Variants in SPMIP2 observed in about 807,000 individuals in gnomAD.
SPMIP2 encodes protein SPMIP2.
At chr4:158,900,990 G>A in the SPMIP2 span, among the ~76,000 whole-genome samples, 3 of 151,924 alleles carry the variant, frequency 2.0e-5, no homozygotes, top group Non-Finnish European at 2.9e-5. Context: ...TCCTTTCCAT[G>A]TAGTGCTTCC....
the SPMIP2 span, among the ~76,000 whole-genome samples, chr4:158,969,322 G>C: frequency 6.6e-6 from 1 of 152,156 alleles, no homozygotes; most frequent in African/African-American, 2.4e-5. Flanking sequence ...TGAAACTAAA[G>C]AAACTGTTTC....
the SPMIP2 span, among the ~76,000 whole-genome samples, chr4:159,077,250 G>A: frequency 1.3e-5 from 2 of 151,882 alleles, no homozygotes. Context: ...AGGTTCAAGT[G>A]ATTCTCGTGC....
chr4:158,955,753 C>CA, the SPMIP2 span, among the ~76,000 whole-genome samples: 2 of 150,616 alleles, frequency 1.3e-5, no homozygotes, highest in Non-Finnish European at 3.0e-5. Context: ...CACTGGAGGC[C>CA]AAAAAAAAGG....
At chr4:159,034,136 C>CA in the SPMIP2 span, among the ~76,000 whole-genome samples, 4 of 151,968 alleles carry the variant, frequency 2.6e-5, no homozygotes, top group Non-Finnish European at 5.9e-5. Context: ...GACTCTGTCT[C>CA]AAAAAATAAA....
the SPMIP2 span, among the ~76,000 whole-genome samples, chr4:158,969,283 T>C: frequency 1.2e-4 from 18 of 152,338 alleles, no homozygotes; most frequent in Non-Finnish European, 2.5e-4. Context: ...AAGCAGCAGT[T>C]AGAAAAGTTC....
the SPMIP2 span, among the ~76,000 whole-genome samples, chr4:158,913,985 T>C: frequency 1.3e-5 from 2 of 152,082 alleles, no homozygotes; most frequent in African/African-American, 4.8e-5. Context: ...AAAGAGTATA[T>C]CACGTTCTTA....
At chr4:158,976,659 ATTTTTTTTT>A in the SPMIP2 span, among the ~76,000 whole-genome samples, 8 of 94,718 alleles carry the variant, frequency 8.4e-5, no homozygotes, top group Non-Finnish European at 1.1e-4. Flanking sequence ...ATGGATAAGC[ATTTTTTTTT>A]TTTTTTTTTT....
At chr4:159,006,345 G>C in the SPMIP2 span, among the ~76,000 whole-genome samples, 1 of 152,192 alleles carries the variant, frequency 6.6e-6, no homozygotes, top group Non-Finnish European at 1.5e-5. Context: ...ACCATCTTAA[G>C]CAACCATGTT....
chr4:158,923,397 CTTCTT>C, the SPMIP2 span, among the ~76,000 whole-genome samples: 1,625 of 152,202 alleles, frequency 0.011, 20 homozygotes, highest in Non-Finnish European at 0.017. Context: ...TTATTTGGGT[CTTCTT>C]TACTTCCTTT....
the SPMIP2 span, among the ~76,000 whole-genome samples, chr4:159,011,997 A>G: frequency 7.3e-5 from 11 of 151,628 alleles, no homozygotes; most frequent in Non-Finnish European, 1.5e-4. Context: ...CAGAGGTTGC[A>G]GTGAGCCAAG....
At chr4:159,062,040 A>T in the SPMIP2 span, among the ~76,000 whole-genome samples, 2 of 152,188 alleles carry the variant, frequency 1.3e-5, no homozygotes, top group African/African-American at 4.8e-5. Flanking sequence ...AGGAGCAATG[A>T]GTGACTGTAC....
the SPMIP2 span, among the ~76,000 whole-genome samples, chr4:158,971,392 A>G: frequency 6.6e-6 from 1 of 152,208 alleles, no homozygotes; most frequent in Non-Finnish European, 1.5e-5. Flanking sequence ...TAAGAACCTA[A>G]GCATTCATTA....
At chr4:158,965,250 A>AT in the SPMIP2 span, among the ~76,000 whole-genome samples, 24 of 150,624 alleles carry the variant, frequency 1.6e-4, no homozygotes, top group East Asian at 1.4e-3. Context: ...ATACACCAGG[A>AT]TTTTTTTTTT....
chr4:158,933,156 A>G, the SPMIP2 span, among the ~76,000 whole-genome samples: 1 of 152,034 alleles, frequency 6.6e-6, no homozygotes, highest in African/African-American at 2.4e-5. Context: ...GGCACACACT[A>G]CCACGCCCTG....
chr4:158,945,308 G>A, the SPMIP2 span, among the ~76,000 whole-genome samples: 1 of 151,994 alleles, frequency 6.6e-6, no homozygotes, highest in Non-Finnish European at 1.5e-5. Context: ...CCCTGGCGTG[G>A]CTGCATCACT....
the SPMIP2 span, among the ~76,000 whole-genome samples, chr4:158,936,145 G>C: frequency 6.6e-6 from 1 of 152,186 alleles, no homozygotes; most frequent in African/African-American, 2.4e-5. Context: ...TTGGCATTCT[G>C]ACCCACACCT....
chr4:158,904,016 T>G, the SPMIP2 span, among the ~76,000 whole-genome samples: 2 of 152,236 alleles, frequency 1.3e-5, no homozygotes, highest in African/African-American at 2.4e-5. Flanking sequence ...TTCCCAATGT[T>G]TTTTAAGAAA....
the SPMIP2 span, among the ~76,000 whole-genome samples, chr4:158,954,436 A>G: frequency 6.6e-6 from 1 of 152,180 alleles, no homozygotes; most frequent in African/African-American, 2.4e-5. Context: ...TTTTCTTCCC[A>G]GCCTCAAGTA....
chr4:159,072,612 A>G, the SPMIP2 span, among the ~76,000 whole-genome samples: 1 of 151,756 alleles, frequency 6.6e-6, no homozygotes, highest in Non-Finnish European at 1.5e-5. Flanking sequence ...ACAGACACGC[A>G]CCACCATGCC....
Sources: gnomAD v4.1 joint callset for allele counts (sites outside exome capture counted in the v4.1 genomes callset) on GRCh38, gnomAD v4.1.1 for gene constraint, MANE v1.5 for transcripts, NCBI Gene and HGNC (gene_info 2026-07-23, HGNC 2026-07-21) for gene names.